The following DYNC2H1 variants were observed in gnomAD, a reference collection of about 807,000 sequenced individuals.
DYNC2H1 encodes dynein cytoplasmic 2 heavy chain 1.
DYNC2H1 carries 410 observed loss-of-function variants against 570.0 expected under a neutral mutation model. The observed-to-expected ratio is 0.72, with a 90% confidence interval of 0.66 to 0.78. The LOEUF (loss-of-function observed/expected upper bound fraction) is 0.78. Among genes scored for constraint, DYNC2H1 ranks in the 30% least tolerant of loss-of-function variants. The pLI is 0.00. For missense variants in DYNC2H1, 4,865 were observed against 5,046.4 expected (o/e 0.96, Z 1.09); for synonymous variants, 1,688 against 1,677.6 (o/e 1.01, Z -0.15).
At chr11:103,440,755 C>T (rs1944239261) in intron 85 of DYNC2H1, among the ~76,000 whole-genome samples, 1 of 152,110 alleles carries the variant, frequency 6.6e-6, no homozygotes, top group South Asian at 2.1e-4. Context: ...GCGGGTAGTT[C>T]AGTCTAAAAT....
chr11:103,209,317 G>A lies in DYNC2H1; in HGVS notation c.8455-559G>A, dbSNP rs1287804393. ...ATATTCTAAAGTAGCATTCTTATAA[G>A]GTTATCTTTACTTTAATAATAATGA... On this transcript the variant is annotated intron_variant, in intron 52 of 88. Transcript: ENST00000375735. This position sits in a 1 kb window ranked among gnomAD's most constrained non-coding sequence, Gnocchi z 4.2. Among the ~76,000 whole-genome samples the A allele has an allele frequency of 6.6e-6, 1 of 151,128 alleles. No homozygotes were observed.
chr11:103,397,494 A>G (rs559360465), intron 83 of DYNC2H1, among the ~76,000 whole-genome samples: 6 of 152,226 alleles, frequency 3.9e-5, no homozygotes, highest in Non-Finnish European at 5.9e-5. Flanking sequence ...TTGCTATTGC[A>G]TAAATATGCT....
At chr11:103,353,753 A>G (rs543387062) in intron 82 of DYNC2H1, among the ~76,000 whole-genome samples, 2 of 152,316 alleles carry the variant, frequency 1.3e-5, no homozygotes, top group Admixed American at 6.5e-5. Flanking sequence ...TTAAATATAT[A>G]TACATATGTT....
At chr11:103,208,212 G>C (rs538233221) in intron 52 of DYNC2H1, among the ~76,000 whole-genome samples, 1 of 151,618 alleles carries the variant, frequency 6.6e-6, no homozygotes, top group East Asian at 1.9e-4. Context: ...GGTATTAGAG[G>C]GATTATCTAT....
At chr11:103,131,772 T>C (rs1859289138) in intron 13 of DYNC2H1, among the ~76,000 whole-genome samples, 1 of 152,212 alleles carries the variant, frequency 6.6e-6, no homozygotes, top group African/African-American at 2.4e-5. Context: ...GCATCCATGA[T>C]TTCAGCTGAC....
rs1565323418 is a variant in DYNC2H1, at chr11:103,129,435, C to A, written c.1953+430C>A. Among the ~76,000 whole-genome samples the A allele has an allele frequency of 6.6e-6, 1 of 152,162 alleles. No individual in the cohort carries two copies. Among genetic ancestry groups the A allele is most frequent in the Non-Finnish European group, 1.5e-5 (1 of 68,024 alleles). On this transcript the variant is annotated intron_variant, in intron 13 of 88. Transcript: ENST00000375735. This position sits in a 1 kb window ranked among gnomAD's most constrained non-coding sequence, Gnocchi z 4.1. Reference sequence around the variant, plus strand: ...CAGTGGCTTACGCCTGTCATCCCAGCACTTTCGAGGCCGAGGCGGGTGGAT... The same window carrying A: ...CAGTGGCTTACGCCTGTCATCCCAGAACTTTCGAGGCCGAGGCGGGTGGAT...
At chr11:103,183,879 T>C (rs138935779) in intron 40 of DYNC2H1, among the ~76,000 whole-genome samples, 1,799 of 151,996 alleles carry the variant, frequency 0.012, 22 homozygotes, top group Middle Eastern at 0.086. Flanking sequence ...CTGGGTAATT[T>C]TACTCTATTA....
At chr11:103,433,193 C>G (rs1379052111) in intron 84 of DYNC2H1, among the ~76,000 whole-genome samples, 4 of 151,924 alleles carry the variant, frequency 2.6e-5, no homozygotes, top group African/African-American at 4.8e-5. Flanking sequence ...ATATTTAACA[C>G]TATGAAATAT....
In DYNC2H1 at chr11:103,176,190, C is replaced by T. The variant is rs1300185963; in HGVS notation, c.5675-45C>T. 3.6e-6 allele frequency: 5 copies of T among 1,399,876 alleles called. No individual in the cohort carries two copies. In the African/African-American group the frequency reaches 7.5e-5, roughly 21 times the overall value. 86.7% of individuals were successfully genotyped at this position (1,399,876 alleles called of 1,614,324 possible). A position where few individuals can be genotyped will look rare whatever the true frequency, so the allele number is the denominator to read the frequency against. ...TAGAATATTTAAAAACTTTTTTCAT[C>T]ATTAAAGTAATAATAAATAATTTTA... is the stretch of plus-strand genomic sequence containing the variant. On this transcript the variant is annotated intron_variant, in intron 36 of 88. Transcript: ENST00000375735.
intron 83 of DYNC2H1, among the ~76,000 whole-genome samples, chr11:103,387,345 GTTCT>G (rs920083979): frequency 3.7e-4 from 57 of 152,192 alleles, no homozygotes; most frequent in African/African-American, 1.2e-3. Context: ...TGTTGATGGG[GTTCT>G]TTGTTTTTCT....
Position 103,366,342 on chromosome 11 carries a change from T to C in DYNC2H1, c.12156+7983T>C, listed in dbSNP as rs1196022203. Among the ~76,000 whole-genome samples the C allele has an allele frequency of 2.6e-5, 4 of 152,142 alleles. No individual in the cohort carries two copies. The East Asian group carries it at 7.7e-4, about 29-fold the overall frequency. On this transcript the variant is annotated intron_variant, in intron 83 of 88. Coordinates refer to ENST00000375735, the MANE Select transcript of DYNC2H1 (RefSeq NM_001377.3). The stretch of plus-strand genomic sequence containing the variant: ...AAGAGAGTCAAAGTTAAAGTCTTTG[T>C]GGTCTATTATATTCATGCATTTTAA...
rs184944927 is a variant in DYNC2H1, at chr11:103,168,146, A to G, written c.4763-609A>G. Among the ~76,000 whole-genome samples the G allele has an allele frequency of 3.5e-4, 53 of 152,000 alleles. No homozygotes were observed. The East Asian group carries it at 9.7e-3, about 28-fold the overall frequency. Reference sequence around the variant, plus strand: ...ACTTTTGTGCAATTTGGGTTTACCTACTCTCTTGGGATCACAGCTCCTCTG... The same window carrying G: ...ACTTTTGTGCAATTTGGGTTTACCTGCTCTCTTGGGATCACAGCTCCTCTG... On this transcript the variant is annotated intron_variant, in intron 31 of 88. Coordinates refer to ENST00000375735, the MANE Select transcript of DYNC2H1 (RefSeq NM_001377.3).
At chr11:103,295,080 A>G (rs773956012) in intron 75 of DYNC2H1, among the ~76,000 whole-genome samples, 5 of 151,802 alleles carry the variant, frequency 3.3e-5, no homozygotes, top group Non-Finnish European at 7.4e-5. Flanking sequence ...GCCCACTGCT[A>G]TGGACATCAG....
At chr11:103,351,339 C>T (rs1591618110) in intron 82 of DYNC2H1, among the ~76,000 whole-genome samples, 1 of 152,172 alleles carries the variant, frequency 6.6e-6, no homozygotes, top group Admixed American at 6.5e-5. Flanking sequence ...TTGTAAATTA[C>T]ATATTGTTTT....
intron 83 of DYNC2H1, among the ~76,000 whole-genome samples, chr11:103,382,091 C>T (rs1002473568): frequency 1.7e-4 from 25 of 146,346 alleles, no homozygotes; most frequent in Admixed American, 1.4e-3. Context: ...ATTTTTATTA[C>T]GTACCAGCTA....
intron 77 of DYNC2H1, among the ~76,000 whole-genome samples, chr11:103,306,510 AT>A (rs1478934864): frequency 6.6e-6 from 1 of 152,116 alleles, no homozygotes; most frequent in African/African-American, 2.4e-5. Context: ...ATCACAATGT[AT>A]TGTTTCTTTT....
At chr11:103,234,870 T>C (rs1286153428) in intron 61 of DYNC2H1, among the ~76,000 whole-genome samples, 1 of 151,990 alleles carries the variant, frequency 6.6e-6, no homozygotes, top group Non-Finnish European at 1.5e-5. Context: ...GTCTCCTTTA[T>C]TTTCTGTTTC....
chr11:103,154,342 A>T, intron 22 of DYNC2H1, 109 bp from the exon 23 acceptor site: 1 of 833,970 alleles, frequency 1.2e-6, no homozygotes, highest in Non-Finnish European at 1.8e-6. Context: ...AACATACACA[A>T]GTGTGTGTGT....
chr11:103,224,497 A>G (rs1240205310), intron 59 of DYNC2H1, among the ~76,000 whole-genome samples: 3 of 152,186 alleles, frequency 2.0e-5, no homozygotes, highest in African/African-American at 4.8e-5. Flanking sequence ...AGAACGTACA[A>G]TGTTTGGTTT....
Sources: allele counts gnomAD v4.1 joint callset (sites outside exome capture counted in the v4.1 genomes callset), GRCh38; gene constraint gnomAD v4.1.1; non-coding constraint Gnocchi (gnomAD v3.1); transcripts MANE v1.5; gene names NCBI Gene and HGNC (gene_info 2026-07-23, HGNC 2026-07-21).